Variants in PARD3B observed in about 807,000 individuals in gnomAD.
The protein encoded by PARD3B is par-3 family cell polarity regulator beta.
Under a neutral mutation model 130.2 loss-of-function variants are expected in PARD3B, and 103 were observed. The observed-to-expected ratio is 0.79, with a 90% CI of 0.67 to 0.93. The LOEUF (loss-of-function observed/expected upper bound fraction) is 0.93. Ranked by LOEUF, PARD3B falls within the 40% of genes least tolerant of loss-of-function variation. The pLI, the probability that PARD3B is intolerant of heterozygous loss-of-function variation, is 0.00. For missense variants in PARD3B, 1,609 were observed against 1,499.2 expected (o/e 1.07, Z -1.21); for synonymous variants, 583 against 553.2 (o/e 1.05, Z -0.76).
At chr2:205,514,187 ATTAGATGATAATAC>A (rs2106377975) in intron 21 of PARD3B, among the ~76,000 whole-genome samples, 1 of 152,252 alleles carries the variant, frequency 6.6e-6, no homozygotes, top group East Asian at 1.9e-4. Context: ...GTCACAACTT[ATTAGATGATAATAC>A]CATCAATTAG....
intron 21 of PARD3B, among the ~76,000 whole-genome samples, chr2:205,532,467 A>ATTGT (rs1483738217): frequency 2.6e-5 from 4 of 152,088 alleles, no homozygotes; most frequent in Non-Finnish European, 4.4e-5. Context: ...AAAGCCAACT[A>ATTGT]TTGTTATTGG....
intron 3 of PARD3B, among the ~76,000 whole-genome samples, chr2:204,983,025 G>A (rs190480561): frequency 9.4e-4 from 143 of 152,138 alleles, no homozygotes; most frequent in East Asian, 4.4e-3. Flanking sequence ...TGGTTTTCTC[G>A]GATTATCTGG....
chr2:205,587,531 C>T (rs527498362), intron 22 of PARD3B, among the ~76,000 whole-genome samples: 10 of 152,172 alleles, frequency 6.6e-5, no homozygotes, highest in East Asian at 5.8e-4. Context: ...ATGTAAGAAA[C>T]GCAGTAATAC....
intron 19 of PARD3B, among the ~76,000 whole-genome samples, chr2:205,437,184 G>GATT (rs1452215061): frequency 2.0e-5 from 3 of 152,168 alleles, no homozygotes; most frequent in Admixed American, 1.3e-4. Context: ...CAAGGCATGA[G>GATT]ATTATGGTCG....
chr2:205,430,671 A>G (rs1055445906), intron 19 of PARD3B, among the ~76,000 whole-genome samples: 11 of 152,234 alleles, frequency 7.2e-5, no homozygotes, highest in African/African-American at 2.7e-4. Context: ...CAAGAAAGTA[A>G]ACAGAGAAAT....
At chr2:205,555,259 CTCATTCAT>C (rs1443919662) in intron 22 of PARD3B, among the ~76,000 whole-genome samples, 1 of 152,112 alleles carries the variant, frequency 6.6e-6, no homozygotes, top group Admixed American at 6.5e-5. Context: ...ATAAATTTCA[CTCATTCAT>C]TCATTCATTC....
intron 19 of PARD3B, among the ~76,000 whole-genome samples, chr2:205,429,138 A>G (rs1183468005): frequency 6.6e-6 from 1 of 152,192 alleles, no homozygotes; most frequent in Non-Finnish European, 1.5e-5. Context: ...TAAAAATCCT[A>G]AATATGTTAT....
At chr2:204,828,267 C>T (rs1161104714) in intron 2 of PARD3B, among the ~76,000 whole-genome samples, 1 of 151,956 alleles carries the variant, frequency 6.6e-6, no homozygotes, top group Non-Finnish European at 1.5e-5. Context: ...ATTTCATTTT[C>T]TTCCCTTTCC....
rs189339938 is a variant in PARD3B at position 204,780,661 on chromosome 2, G to T, written c.222+94379G>T. 1.3e-3 allele frequency among the ~76,000 whole-genome samples: 197 copies of T among 152,190 alleles called. 1 individual carries two copies. Among genetic ancestry groups the T allele is most frequent in the African/African-American group, 4.1e-3 (171 of 41,556 alleles). On this transcript the variant is annotated intron_variant, in intron 2 of 22. Coordinates refer to ENST00000406610, the MANE Select transcript of PARD3B (RefSeq NM_001302769.2). ...AGGGTAATTCTTAAGACTGCCATTT[G>T]GTACAGTGATCTTATAGTGCATAGA...
At chr2:204,863,451 T>C (rs1407208160) in intron 2 of PARD3B, among the ~76,000 whole-genome samples, 4 of 152,128 alleles carry the variant, frequency 2.6e-5, no homozygotes, top group Non-Finnish European at 5.9e-5. Context: ...TGTCAGACAC[T>C]AGGCATTAGG....
intron 18 of PARD3B, among the ~76,000 whole-genome samples, chr2:205,388,759 T>C (rs1020791710): frequency 4.6e-5 from 7 of 152,152 alleles, no homozygotes; most frequent in Non-Finnish European, 1.0e-4. Flanking sequence ...AGGGGAAATG[T>C]TGTTGATCAC....
At position 205,160,474 on chromosome 2, in the gene PARD3B, T is replaced by G. The variant is rs899786215; in HGVS notation, c.1620+1567T>G. The stretch of plus-strand genomic sequence containing the variant: ...AGCTAGCACACTGTCACCCCACACA[T>G]AGGCCACTGGTCAAAGCAAGTCATA... On this transcript the variant is annotated intron_variant, in intron 11 of 22. Transcript: ENST00000406610. The surrounding 1 kb of genome is among the most constrained non-coding windows in gnomAD (Gnocchi z 4.0). Among the ~76,000 whole-genome samples the G allele has an allele frequency of 6.6e-6, 1 of 152,144 alleles. No homozygotes were observed. The highest frequency in any genetic ancestry group is 1.5e-5 in the Non-Finnish European group (1 of 68,030).
chr2:204,555,165 G>C (rs2030832580), intron 1 of PARD3B, among the ~76,000 whole-genome samples: 1 of 152,160 alleles, frequency 6.6e-6, no homozygotes, highest in Non-Finnish European at 1.5e-5. Flanking sequence ...TCTCCACTAA[G>C]GGAAGACCCT....
In PARD3B at chr2:205,176,388, C is replaced by G; in HGVS notation, c.1792-57C>G. On this transcript the variant is annotated intron_variant, in intron 12 of 22. Coordinates refer to ENST00000406610, the MANE Select transcript of PARD3B (RefSeq NM_001302769.2). This position sits in a 1 kb window ranked among gnomAD's most constrained non-coding sequence, Gnocchi z 5.3. ...CGATCATTCTTTCACTTTGCTTCAA[C>G]TGACCAAGTTGGAACATATTAAAAA... is the stretch of plus-strand genomic sequence containing the variant. The G allele has an allele frequency of 6.7e-7, 1 of 1,492,684 alleles. No individual in the cohort carries two copies. The highest frequency in any genetic ancestry group is 9.1e-7 in the Non-Finnish European group (1 of 1,104,762). The allele number at this position is 1,492,684 out of a possible 1,614,324, so 92.5% of individuals were successfully genotyped here. A position where few individuals can be genotyped will look rare whatever the true frequency, so the allele number is the denominator to read the frequency against.
intron 1 of PARD3B, among the ~76,000 whole-genome samples, chr2:204,604,472 T>C (rs572174640): frequency 8.5e-5 from 13 of 152,218 alleles, no homozygotes; most frequent in Non-Finnish European, 1.8e-4. Flanking sequence ...CAATGGACAT[T>C]TTTAGAGCAC....
chr2:204,943,300 C>T lies in PARD3B; in HGVS notation c.223-21852C>T, dbSNP rs781535857. 2.0e-5 allele frequency among the ~76,000 whole-genome samples: 3 copies of T among 151,988 alleles called. No homozygotes were observed. The highest frequency in any genetic ancestry group is 7.3e-5 in the African/African-American group (3 of 41,362). The stretch of plus-strand genomic sequence containing the variant: ...CTAAAAGGACGGTGACTGGAAAGAT[C>T]GCATAGGTCACGAGGATCTTCCTAT... On this transcript the variant is annotated intron_variant, in intron 2 of 22. Transcript: ENST00000406610. This position sits in a 1 kb window ranked among gnomAD's most constrained non-coding sequence, Gnocchi z 4.2.
intron 22 of PARD3B, 97 bp downstream of exon 22, chr2:205,553,500 A>G: frequency 1.6e-6 from 2 of 1,253,468 alleles, no homozygotes; most frequent in Non-Finnish European, 1.1e-6. Context: ...GAAATAGGGA[A>G]TATGTTATAA....
chr2:205,131,831 TA>T (rs2032026279), intron 10 of PARD3B, among the ~76,000 whole-genome samples: 1 of 152,168 alleles, frequency 6.6e-6, no homozygotes, highest in South Asian at 2.1e-4. Context: ...CTATTTTGAA[TA>T]AGTTTGGAGG....
intron 1 of PARD3B, among the ~76,000 whole-genome samples, chr2:204,586,456 T>C (rs533265456): frequency 2.2e-3 from 328 of 152,294 alleles, no homozygotes; most frequent in South Asian, 0.012. Flanking sequence ...ACTTAAACAC[T>C]AAGAGATTAA....
Sources: gnomAD v4.1 joint callset for allele counts (sites outside exome capture counted in the v4.1 genomes callset) on GRCh38, gnomAD v4.1.1 for gene constraint, Gnocchi (gnomAD v3.1) non-coding constraint, MANE v1.5 for transcripts, NCBI Gene and HGNC (gene_info 2026-07-23, HGNC 2026-07-21) for gene names.